The following PRKDC variants were observed in gnomAD, a reference collection of about 807,000 sequenced individuals.
PRKDC encodes the protein protein kinase, DNA-activated, catalytic subunit.
A neutral mutation model predicts 486.9 loss-of-function variants in PRKDC; 82 were observed. That is an observed-to-expected ratio of 0.17 (90% CI 0.14 to 0.20). The LOEUF is 0.20. Ranked by LOEUF, PRKDC falls within the 10% of genes least tolerant of loss-of-function variation. PRKDC has a pLI of 1.00. For synonymous variants in PRKDC, 1,895 were observed against 1,837.0 expected (o/e 1.03, Z -0.81); for missense variants, 4,504 against 5,038.2 (o/e 0.89, Z 3.21).
chr8:47,827,685 C>G (rs2087767269), intron 62 of PRKDC, among the ~76,000 whole-genome samples: 1 of 152,154 alleles, frequency 6.6e-6, no homozygotes, highest in African/African-American at 2.4e-5. Flanking sequence ...ACCTAATGTC[C>G]CTTTCTACAT....
At chr8:47,853,759 A>G (rs1366037265) in intron 51 of PRKDC, among the ~76,000 whole-genome samples, 1 of 152,214 alleles carries the variant, frequency 6.6e-6, no homozygotes, top group Non-Finnish European at 1.5e-5. Flanking sequence ...ACTGTTTTAA[A>G]CACCTACATT....
chr8:47,930,166 C>G (rs1461364202), intron 17 of PRKDC, among the ~76,000 whole-genome samples, 154 bp from the exon 18 acceptor site: 1 of 152,204 alleles, frequency 6.6e-6, no homozygotes, highest in Non-Finnish European at 1.5e-5. Context: ...CCATTTTTCT[C>G]TACCTGAGGA....
rs569886407 is a variant in PRKDC, at chr8:47,826,840, C to T, written c.8599G>A (p.Ala2867Thr). The change falls in exon 63 of 86, where the codon GCC becomes ACC. Residue 2867 changes from alanine (A) to threonine (T), a missense_variant. By Grantham distance (58) the Ala-to-Thr change is moderately conservative. This residue lies in a region of PRKDC where 1,592 missense variants were observed against 1,724.6 expected (regional missense o/e 0.92). Transcript: ENST00000314191. ...CIQDISCQHA[A>T]LLSLDPAAVS... The stretch of plus-strand genomic sequence containing the variant: ...GCCGCTGGGTCGAGGCTCAGCAGGG[C>T]TGCGTGCTGACAGCTAATGTCCTGT... 99 of 1,590,404 alleles carry T rather than the reference C, an allele frequency of 6.2e-5. No individual in the cohort carries two copies. The African/African-American group carries it at 1.2e-3, about 19-fold the overall frequency.
At chr8:47,785,442 G>T in intron 76 of PRKDC, 125 bp from the exon 77 acceptor site, 1 of 829,928 alleles carries the variant, frequency 1.2e-6, no homozygotes. Context: ...CTTTTAAGAT[G>T]TATAGTTTTG....
At chr8:47,864,785 A>T in intron 40 of PRKDC, 22 bp from the exon 41 acceptor site, 1 of 1,527,392 alleles carries the variant, frequency 6.5e-7, no homozygotes, top group South Asian at 1.3e-5. Context: ...AGATAAAATT[A>T]TATGAACATC....
chr8:47,934,754 AAG>A (rs1479366346), intron 14 of PRKDC, among the ~76,000 whole-genome samples: 2 of 152,192 alleles, frequency 1.3e-5, no homozygotes, highest in East Asian at 3.8e-4. Flanking sequence ...CTAGAGTTTC[AAG>A]AGAGAAAACA....
Position 47,820,882 on chromosome 8 carries a change from T to G in PRKDC, c.9173A>C (p.Asp3058Ala). 1 of 1,610,720 alleles carries G rather than the reference T, an allele frequency of 6.2e-7. No homozygotes were observed. The highest frequency in any genetic ancestry group is 1.1e-5 in the South Asian group (1 of 90,576). The change falls in exon 66 of 86, where the codon GAC becomes GCC. Residue 3058 changes from aspartate to alanine, a missense_variant. Transcript: ENST00000314191. The part of the protein sequence containing the change: ...KLKLLLQGEA[D>A]QSLLTFIDKA... ...GTCAATAAATGTCAGCAGGGACTGG[T>G]CAGCCTCTCCCTGGAGCAGCAGCTT... is the stretch of plus-strand genomic sequence containing the variant.
At chr8:47,868,361 A>C (rs1184738646) in intron 40 of PRKDC, among the ~76,000 whole-genome samples, 1 of 152,012 alleles carries the variant, frequency 6.6e-6, no homozygotes, top group East Asian at 1.9e-4. Context: ...GTTCAAGACC[A>C]GCCCAGGCAA....
intron 55 of PRKDC, among the ~76,000 whole-genome samples, chr8:47,839,661 A>G (rs539974970): frequency 1.4e-4 from 22 of 152,382 alleles, no homozygotes; most frequent in Non-Finnish European, 2.9e-4. Flanking sequence ...TTTTAAAAGG[A>G]TACAATTAGA....
At chr8:47,920,053 GAGCCCATCCCTTTGTTTC>G (rs1220492342) in intron 21 of PRKDC, among the ~76,000 whole-genome samples, 4 of 152,178 alleles carry the variant, frequency 2.6e-5, no homozygotes, top group East Asian at 1.9e-4. Flanking sequence ...TAACTAGCCA[GAGCCCATCCCTTTGTTTC>G]AGCCCATCCC....
At chr8:47,873,520 G>A (rs1264087354) in intron 40 of PRKDC, among the ~76,000 whole-genome samples, 1 of 152,138 alleles carries the variant, frequency 6.6e-6, no homozygotes, top group African/African-American at 2.4e-5. Flanking sequence ...CTCCAGCCTG[G>A]GTGAAGAAAG....
At chr8:47,887,433 A>C in intron 35 of PRKDC, 114 bp downstream of exon 35, 3 of 992,410 alleles carry the variant, frequency 3.0e-6, no homozygotes, top group Non-Finnish European at 2.7e-6. Flanking sequence ...ATCATACAAT[A>C]CTTGTCCAGC....
chr8:47,918,315 C>T lies in PRKDC; in HGVS notation c.2488G>A (p.Val830Met). 4 of 1,593,614 alleles carry T rather than the reference C, an allele frequency of 2.5e-6. No individual in the cohort carries two copies. Among genetic ancestry groups the T allele is most frequent in the South Asian group, 1.1e-5 (1 of 87,400 alleles). The change falls in exon 22 of 86, where the codon GTG becomes ATG. Residue 830 changes from valine (V) to methionine (M), a missense_variant. Around this residue, in one of 6 missense-constraint regions of PRKDC, gnomAD observed 1,969 missense variants for 2,068.9 expected, o/e 0.95. Coordinates refer to ENST00000314191, the MANE Select transcript of PRKDC (RefSeq NM_006904.7). The stretch of plus-strand genomic sequence containing the variant: ...TTTGTCTTCTTCAGATGCTTTAACA[C>T]CACTTTATTAAATCCTTTCTGGGCA... Reference protein sequence around the residue: ...RAAQKGFNKVVLKHLKKTKNL... With the variant: ...RAAQKGFNKVMLKHLKKTKNL...
intron 76 of PRKDC, 86 bp from the exon 77 acceptor site, chr8:47,785,403 A>G: frequency 9.7e-7 from 1 of 1,033,980 alleles, no homozygotes; most frequent in Non-Finnish European, 1.4e-6. Context: ...TAATGAATGG[A>G]GTGCTCAATG....
chr8:47,819,763 G>A (rs539227155), intron 66 of PRKDC, among the ~76,000 whole-genome samples: 28 of 152,254 alleles, frequency 1.8e-4, no homozygotes, highest in Middle Eastern at 3.4e-3. Flanking sequence ...GGCTATCACT[G>A]CCTCGACTTG....
At chr8:47,804,676 T>C (rs1375906240) in intron 69 of PRKDC, among the ~76,000 whole-genome samples, 3 of 152,196 alleles carry the variant, frequency 2.0e-5, no homozygotes, top group African/African-American at 7.2e-5. Flanking sequence ...CATTTGTGTA[T>C]GAATTTCCAT....
chr8:47,899,932 A>G (rs1162783017), intron 28 of PRKDC, among the ~76,000 whole-genome samples: 1 of 152,130 alleles, frequency 6.6e-6, no homozygotes, highest in Non-Finnish European at 1.5e-5. Flanking sequence ...GGATGAAACA[A>G]CTCTATCACA....
intron 85 of PRKDC, among the ~76,000 whole-genome samples, chr8:47,775,201 A>AATT (rs2086584425): frequency 2.0e-5 from 3 of 150,994 alleles, no homozygotes; most frequent in Admixed American, 6.6e-5. Flanking sequence ...ATAAATAAAT[A>AATT]AATAAATAAA....
intron 80 of PRKDC, among the ~76,000 whole-genome samples, chr8:47,780,005 C>G (rs1485082950): frequency 4.0e-5 from 6 of 150,290 alleles, no homozygotes; most frequent in Non-Finnish European, 5.9e-5. Flanking sequence ...ACCTCTACCT[C>G]CTGGGTTCAA....
Sources: allele counts gnomAD v4.1 joint callset (sites outside exome capture counted in the v4.1 genomes callset), GRCh38; gene constraint gnomAD v4.1.1; regional missense constraint gnomAD v4.1.1; transcripts MANE v1.5; gene names NCBI Gene and HGNC (gene_info 2026-07-23, HGNC 2026-07-21).